Variants in KIAA0586 observed in about 807,000 individuals in gnomAD.
KIAA0586 encodes protein TALPID3.
A neutral mutation model predicts 169.8 loss-of-function variants in KIAA0586; 144 were observed. The ratio of observed to expected loss-of-function variants is 0.85; its 90% CI spans 0.74 to 0.97. The LOEUF is 0.97. KIAA0586 is among the 50% of genes least tolerant of loss of function. The probability of loss-of-function intolerance (pLI) is 0.00; values close to 1 mark genes in which losing one functional copy is unlikely to be tolerated. For missense variants in KIAA0586, 1,854 were observed against 1,823.0 expected (o/e 1.02, Z -0.31); for synonymous variants, 625 against 612.4 (o/e 1.02, Z -0.30).
rs2040280729 is a variant in KIAA0586, at chr14:58,461,055, T to A, written c.1954T>A (p.Tyr652Asn). The A allele has an allele frequency of 6.2e-7, 1 of 1,612,774 alleles. No individual in the cohort carries two copies. The highest frequency in any genetic ancestry group is 1.7e-5 in the Admixed American group (1 of 59,822). ...GTTACAAGTCTATGGAAAGCCAGTTTATCAGGGCCATCGAAGCACTCTTAA... is the reference window on the plus strand; with the variant it reads ...GTTACAAGTCTATGGAAAGCCAGTTAATCAGGGCCATCGAAGCACTCTTAA... The part of the protein sequence containing the change: ...YMLQVYGKPV[Y>N]QGHRSTLKKG... Residue 652 changes from tyrosine to asparagine, a missense_variant, in exon 14 of 31, where the codon TAT (tyrosine) becomes AAT (asparagine). Physicochemically the swap from Tyr to Asn is moderately radical, Grantham distance 143. Transcript: ENST00000652326.
rs370068973 is a variant in KIAA0586, at chr14:58,453,282, G to A, written c.1130-68G>A. Reference sequence around the variant, plus strand: ...CTAACTTAGGCCAGAATACAAATATGTGAGATATTATATACAAGAGAAATG... The same window carrying A: ...CTAACTTAGGCCAGAATACAAATATATGAGATATTATATACAAGAGAAATG... On this transcript the variant is annotated intron_variant, in intron 8 of 30. Transcript: ENST00000652326. 1.2e-5 allele frequency: 10 copies of A among 854,812 alleles called. 1 individual carries two copies. Among genetic ancestry groups the A allele is most frequent in the African/African-American group, 1.8e-5 (1 of 55,070 alleles). 53.0% of individuals were successfully genotyped at this position (854,812 alleles called of 1,614,324 possible).
At chr14:58,540,652 G>A (rs1008958081) in intron 30 of KIAA0586, among the ~76,000 whole-genome samples, 3 of 152,010 alleles carry the variant, frequency 2.0e-5, no homozygotes, top group Non-Finnish European at 2.9e-5. Flanking sequence ...TTTAAAATAA[G>A]CATTTGTCAA....
chr14:58,548,735 C>G lies in KIAA0586; in HGVS notation c.*803C>G, dbSNP rs1254397672. ...ATATGCCTTATGTATACCATATAAA[C>G]CTTTATAAACCTGTGAAACATGTAA... On this transcript the variant is annotated 3_prime_UTR_variant, in exon 31 of 31. Transcript: ENST00000652326. 1 of 152,038 alleles carries G rather than the reference C, an allele frequency of 6.6e-6. No individual in the cohort carries two copies. Among genetic ancestry groups the G allele is most frequent in the Non-Finnish European group, 1.5e-5 (1 of 67,992 alleles). 9.4% of individuals were successfully genotyped at this position (152,038 alleles called of 1,614,324 possible).
Position 58,503,374 on chromosome 14 carries a change from A to C in KIAA0586, c.4168+4414A>C, listed in dbSNP as rs151133784. 4.6e-4 allele frequency among the ~76,000 whole-genome samples: 70 copies of C among 152,314 alleles called. No homozygotes were observed. In the East Asian group the frequency reaches 0.011, roughly 23 times the overall value. On this transcript the variant is annotated intron_variant, in intron 27 of 30. Transcript: ENST00000652326. ...GAACTTAACTCATTTGTGAGGGCTT[A>C]GAAAAGGTTTTCTGCAAGATCCAAT...
chr14:58,513,277 A>AC (rs2044521296), intron 29 of KIAA0586, among the ~76,000 whole-genome samples: 2 of 152,022 alleles, frequency 1.3e-5, no homozygotes, highest in Non-Finnish European at 2.9e-5. Flanking sequence ...CTGTTTAAAA[A>AC]CTTTCTGCCC....
At position 58,461,047 on chromosome 14, in the gene KIAA0586, A is replaced by C; in HGVS notation, c.1946A>C (p.Lys649Thr). Reference sequence around the variant, plus strand: ...GATTATATGTTACAAGTCTATGGAAAGCCAGTTTATCAGGGCCATCGAAGC... The same window carrying C: ...GATTATATGTTACAAGTCTATGGAACGCCAGTTTATCAGGGCCATCGAAGC... Reference protein sequence around the residue: ...DEDYMLQVYGKPVYQGHRSTL... With the variant: ...DEDYMLQVYGTPVYQGHRSTL... The change falls in exon 14 of 31, where the codon AAG (lysine) becomes ACG (threonine). Residue 649 changes from lysine to threonine, a missense_variant. By Grantham distance (78) the Lys-to-Thr change is moderately conservative (BLOSUM62 -1). Coordinates refer to ENST00000652326, the MANE Select transcript of KIAA0586 (RefSeq NM_001329943.3). The C allele has an allele frequency of 2.5e-6, 4 of 1,612,522 alleles. No homozygotes were observed. The highest frequency in any genetic ancestry group is 2.5e-6 in the Non-Finnish European group (3 of 1,179,344).
intron 29 of KIAA0586, chr14:58,521,153 C>T (rs1260832694): frequency 1.7e-6 from 1 of 585,706 alleles, no homozygotes; most frequent in East Asian, 4.0e-5. Context: ...TCTGCCTGCT[C>T]ACTTCTGTGA....
chr14:58,431,356 G>A (rs1055468386), intron 3 of KIAA0586, among the ~76,000 whole-genome samples: 11 of 152,040 alleles, frequency 7.2e-5, no homozygotes, highest in East Asian at 3.9e-4. Flanking sequence ...TCCAGCTCCC[G>A]GGTTCAAGCA....
intron 6 of KIAA0586, among the ~76,000 whole-genome samples, chr14:58,445,260 C>T (rs1353367026): frequency 1.3e-5 from 2 of 152,064 alleles, no homozygotes; most frequent in South Asian, 4.1e-4. Context: ...TGATGCACAC[C>T]GTTGGATAAG....
chr14:58,520,706 TG>T (rs1254015819), intron 29 of KIAA0586, among the ~76,000 whole-genome samples: 1 of 151,910 alleles, frequency 6.6e-6, no homozygotes, highest in Non-Finnish European at 1.5e-5. Flanking sequence ...TTTCATTTTT[TG>T]TAGAGACAAG....
chr14:58,537,007 T>A (rs1466767632), intron 29 of KIAA0586: 2 of 1,279,644 alleles, frequency 1.6e-6, no homozygotes, highest in East Asian at 1.1e-4. Flanking sequence ...TTTTTTTCAG[T>A]TTTGATCAGC....
At chr14:58,445,148 C>T (rs896886997) in intron 6 of KIAA0586, among the ~76,000 whole-genome samples, 2 of 150,780 alleles carry the variant, frequency 1.3e-5, no homozygotes, top group South Asian at 2.1e-4. Context: ...CACACACACA[C>T]ATATACACAT....
At chr14:58,492,322 G>A in intron 26 of KIAA0586, 47 bp downstream of exon 26, 1 of 1,477,520 alleles carries the variant, frequency 6.8e-7, no homozygotes, top group Non-Finnish European at 9.0e-7. Context: ...TCTAAATACA[G>A]GAAAAAATTA....
At chr14:58,464,162 G>A (rs547115918) in intron 14 of KIAA0586, 149 of 371,204 alleles carry the variant, frequency 4.0e-4, no homozygotes, top group African/African-American at 3.0e-3. Context: ...ACACAAAAGA[G>A]TTGAGGGTTG....
chr14:58,442,824 A>T lies in KIAA0586; in HGVS notation c.529A>T (p.Thr177Ser). 1 of 1,610,984 alleles carries T rather than the reference A, an allele frequency of 6.2e-7. No individual in the cohort carries two copies. The highest frequency in any genetic ancestry group is 8.5e-7 in the Non-Finnish European group (1 of 1,178,498). Reference protein sequence around the residue: ...RISPSGIDSATTVAAATAAAI... With the variant: ...RISPSGIDSASTVAAATAAAI... Reference sequence around the variant, plus strand: ...TTCACCCAGTGGAATTGATTCAGCTACAACCGTGGCTGCAGCAACTGCTGC... The same window carrying T: ...TTCACCCAGTGGAATTGATTCAGCTTCAACCGTGGCTGCAGCAACTGCTGC... The change falls in exon 5 of 31, where the codon ACA becomes TCA. Residue 177 changes from threonine (T) to serine (S), a missense_variant. Thr to Ser is a moderately conservative substitution (Grantham distance 58, BLOSUM62 1). Coordinates refer to ENST00000652326, the MANE Select transcript of KIAA0586 (RefSeq NM_001329943.3).
At chr14:58,431,343 A>G (rs892676898) in intron 3 of KIAA0586, among the ~76,000 whole-genome samples, 1 of 152,044 alleles carries the variant, frequency 6.6e-6, no homozygotes, top group Non-Finnish European at 1.5e-5. Context: ...GCTCACTGCA[A>G]CCTCCAGCTC....
At chr14:58,547,064 A>T (rs2047026902) in intron 30 of KIAA0586, among the ~76,000 whole-genome samples, 1 of 152,012 alleles carries the variant, frequency 6.6e-6, no homozygotes. Context: ...TGAGTTTAAG[A>T]GTCCATTTTT....
In KIAA0586 at chr14:58,502,353, A is replaced by T. The variant is rs377340367; in HGVS notation, c.4168+3393A>T. On this transcript the variant is annotated intron_variant, in intron 27 of 30. Transcript: ENST00000652326. ...CGGGGTTTTGCCATGTTGGCCAGGC[A>T]GGTCTCAAACTTCTGACCTCAAGTG... Among the ~76,000 whole-genome samples the T allele has an allele frequency of 2.6e-5, 4 of 152,164 alleles. 1 individual carries two copies.
intron 30 of KIAA0586, among the ~76,000 whole-genome samples, chr14:58,546,815 A>G (rs1009392978): frequency 3.9e-5 from 6 of 152,186 alleles, no homozygotes; most frequent in Admixed American, 3.3e-4. Flanking sequence ...ATTGCTCTCA[A>G]TCCATGAAGT....
Sources: gnomAD v4.1 joint callset for allele counts (sites outside exome capture counted in the v4.1 genomes callset) on GRCh38, gnomAD v4.1.1 for gene constraint, MANE v1.5 for transcripts, NCBI Gene and HGNC (gene_info 2026-07-23, HGNC 2026-07-21) for gene names.